The following SEMA3A variants were observed in gnomAD, a reference collection of about 807,000 sequenced individuals.
SEMA3A encodes semaphorin 3A.
A neutral mutation model predicts 97.9 loss-of-function variants in SEMA3A; 29 were observed. The observed-to-expected ratio is 0.30, with a 90% CI of 0.22 to 0.40. The LOEUF is 0.40. Ranked by LOEUF, SEMA3A falls within the 10% of genes least tolerant of loss-of-function variation. The pLI is 1.00. For missense variants in SEMA3A, 763 were observed against 951.3 expected (o/e 0.80, Z 2.60); for synonymous variants, 321 against 323.7 (o/e 0.99, Z 0.09).
intron 3 of SEMA3A, among the ~76,000 whole-genome samples, chr7:84,202,097 G>T (rs1445279124): frequency 6.6e-6 from 1 of 152,096 alleles, no homozygotes; most frequent in East Asian, 1.9e-4. Flanking sequence ...TTAAAACAAT[G>T]AGTGTAGTTC....
intron 3 of SEMA3A, among the ~76,000 whole-genome samples, chr7:84,277,581 C>T (rs2115728908): frequency 6.6e-6 from 1 of 152,234 alleles, no homozygotes; most frequent in Middle Eastern, 3.4e-3. Flanking sequence ...TGTGTTAGTC[C>T]ATTCTTGCAT....
chr7:84,032,604 T>G (rs1791801139), intron 6 of SEMA3A, among the ~76,000 whole-genome samples: 2 of 152,178 alleles, frequency 1.3e-5, no homozygotes, highest in East Asian at 1.9e-4. Flanking sequence ...CATAATTTTC[T>G]AAGTAATTAG....
At chr7:84,144,080 C>T (rs1796394966) in intron 1 of SEMA3A, among the ~76,000 whole-genome samples, 1 of 150,952 alleles carries the variant, frequency 6.6e-6, no homozygotes, top group Admixed American at 6.6e-5. Context: ...GGTATGAATA[C>T]CAGACTATCC....
chr7:84,169,402 G>A (rs963949626), intron 1 of SEMA3A, among the ~76,000 whole-genome samples: 12 of 150,616 alleles, frequency 8.0e-5, no homozygotes, highest in African/African-American at 2.7e-4. Flanking sequence ...TTTGAATAGT[G>A]TAGATAATCA....
chr7:84,473,173 T>TGTGA (rs891778095), intron 1 of SEMA3A, among the ~76,000 whole-genome samples: 5 of 151,290 alleles, frequency 3.3e-5, no homozygotes, highest in Admixed American at 3.3e-4. Flanking sequence ...TGTGTGTGTG[T>TGTGA]GAAACCTACA....
chr7:84,350,348 C>T (rs943419962), intron 2 of SEMA3A, among the ~76,000 whole-genome samples: 6 of 151,866 alleles, frequency 4.0e-5, no homozygotes, highest in Admixed American at 1.3e-4. Flanking sequence ...ATGGGATAGT[C>T]GTTTCCTTTT....
At chr7:84,155,613 A>G (rs867335946) in intron 1 of SEMA3A, among the ~76,000 whole-genome samples, 5 of 152,208 alleles carry the variant, frequency 3.3e-5, no homozygotes, top group Middle Eastern at 3.4e-3. Flanking sequence ...TCTGCTTTAC[A>G]CTCATTATCT....
intron 2 of SEMA3A, among the ~76,000 whole-genome samples, chr7:84,347,637 C>G (rs1479419240): frequency 6.6e-6 from 1 of 152,112 alleles, no homozygotes; most frequent in East Asian, 1.9e-4. Flanking sequence ...GTCTCGATCT[C>G]TTGACCTCGT....
intron 14 of SEMA3A, among the ~76,000 whole-genome samples, chr7:83,979,082 C>T (rs942545820): frequency 3.3e-5 from 5 of 150,854 alleles, no homozygotes; most frequent in Non-Finnish European, 5.9e-5. Flanking sequence ...ATATTATAAA[C>T]TTTCACATGA....
At chr7:84,203,712 A>T (rs887437172) in intron 3 of SEMA3A, among the ~76,000 whole-genome samples, 9 of 150,778 alleles carry the variant, frequency 6.0e-5, no homozygotes, top group African/African-American at 1.5e-4. Flanking sequence ...TTTAAATTTT[A>T]GTAGGGAGGG....
chr7:83,979,814 T>C (rs937459009), intron 14 of SEMA3A, among the ~76,000 whole-genome samples: 8 of 152,172 alleles, frequency 5.3e-5, no homozygotes, highest in Non-Finnish European at 8.8e-5. Flanking sequence ...TTACACTCAG[T>C]CAATGTTATC....
chr7:84,042,082 T>C (rs1025844110), intron 6 of SEMA3A, among the ~76,000 whole-genome samples: 3 of 152,136 alleles, frequency 2.0e-5, no homozygotes, highest in African/African-American at 4.8e-5. Flanking sequence ...TGCAGTCATA[T>C]GTTTCATCAC....
chr7:84,206,923 T>C (rs907427802), intron 3 of SEMA3A, among the ~76,000 whole-genome samples: 1 of 152,200 alleles, frequency 6.6e-6, no homozygotes, highest in Non-Finnish European at 1.5e-5. Flanking sequence ...CTGTAACTCA[T>C]TCTATCTCTA....
At chr7:84,211,519 G>T (rs1344182502) in intron 3 of SEMA3A, among the ~76,000 whole-genome samples, 1 of 152,042 alleles carries the variant, frequency 6.6e-6, no homozygotes, top group Non-Finnish European at 1.5e-5. Flanking sequence ...TACTCGGGAG[G>T]CTCAGGCAGG....
intron 1 of SEMA3A, among the ~76,000 whole-genome samples, chr7:84,425,200 A>AATTT (rs1804766625): frequency 8.6e-6 from 1 of 116,546 alleles, no homozygotes; most frequent in Admixed American, 1.0e-4. Context: ...TACATAAATA[A>AATTT]ATTTACGTAT....
chr7:84,072,070 T>C (rs1793762009), intron 4 of SEMA3A, among the ~76,000 whole-genome samples: 1 of 152,062 alleles, frequency 6.6e-6, no homozygotes, highest in African/African-American at 2.4e-5. Context: ...CATGATACTC[T>C]TTAACGTCTT....
At chr7:84,103,139 C>G (rs1442970909) in intron 4 of SEMA3A, among the ~76,000 whole-genome samples, 2 of 152,256 alleles carry the variant, frequency 1.3e-5, no homozygotes, top group South Asian at 4.1e-4. Context: ...CCAGAAGCTA[C>G]AGTCATTGCG....
intron 3 of SEMA3A, among the ~76,000 whole-genome samples, chr7:84,249,037 T>C (rs1160980161): frequency 6.6e-6 from 1 of 152,194 alleles, no homozygotes; most frequent in Non-Finnish European, 1.5e-5. Flanking sequence ...ATATGCAATA[T>C]TTCATGCAGT....
chr7:84,375,361 C>T (rs1803072628), intron 1 of SEMA3A, among the ~76,000 whole-genome samples: 1 of 152,010 alleles, frequency 6.6e-6, no homozygotes. Flanking sequence ...GCGCAAAGTA[C>T]CAAGCTCCAT....
Sources: allele counts gnomAD v4.1 joint callset (sites outside exome capture counted in the v4.1 genomes callset), GRCh38; gene constraint gnomAD v4.1.1; transcripts MANE v1.5; gene names NCBI Gene and HGNC (gene_info 2026-07-23, HGNC 2026-07-21).